The following SDK1 variants were observed in gnomAD, a reference collection of about 807,000 sequenced individuals.
The protein encoded by SDK1 is sidekick cell adhesion molecule 1.
SDK1 carries 157 observed loss-of-function variants against 245.5 expected under a neutral mutation model. The ratio of observed to expected loss-of-function variants is 0.64; its 90% confidence interval spans 0.56 to 0.73. SDK1 has a LOEUF of 0.73. SDK1 is among the 30% of genes least tolerant of loss of function. SDK1 has a pLI of 0.00. For missense variants in SDK1, 3,583 were observed against 3,002.3 expected (o/e 1.19, Z -4.52); for synonymous variants, 1,647 against 1,278.5 (o/e 1.29, Z -6.15).
In SDK1 at chr7:4,012,209, C is replaced by G. The variant is rs147964405; in HGVS notation, c.2394C>G (p.Asn798Lys). 1 of 1,546,178 alleles carries G rather than the reference C, an allele frequency of 6.5e-7. No homozygotes were observed. Among genetic ancestry groups the G allele is most frequent in the South Asian group, 1.3e-5 (1 of 79,844 alleles). Residue 798 changes from asparagine to lysine, a missense_variant, in exon 16 of 45, where the codon AAC (asparagine) becomes AAG (lysine). Transcript: ENST00000404826. ...AGCCACCCCCAGAAACAGAGCACAA[C>G]GGGGTGTTGCGTGGATACATCCTCA... ...QWQPPPETEHNGVLRGYILRY... is the reference protein window; with the variant it reads ...QWQPPPETEHKGVLRGYILRY...
chr7:3,440,566 C>G (rs1430355164), intron 1 of SDK1, among the ~76,000 whole-genome samples: 1 of 152,070 alleles, frequency 6.6e-6, no homozygotes, highest in African/African-American at 2.4e-5. Flanking sequence ...TCAAGTAACC[C>G]TTATTTTAAT....
At chr7:3,897,126 C>A (rs1394961552) in intron 5 of SDK1, among the ~76,000 whole-genome samples, 1 of 152,214 alleles carries the variant, frequency 6.6e-6, no homozygotes, top group East Asian at 1.9e-4. Context: ...TCCCACTAGG[C>A]CACTGCCACA....
chr7:3,398,053 TTTTG>T (rs1159830328), intron 1 of SDK1, among the ~76,000 whole-genome samples: 2 of 152,016 alleles, frequency 1.3e-5, no homozygotes, highest in Non-Finnish European at 2.9e-5. Flanking sequence ...CAGTGTGAGG[TTTTG>T]TTTATCTGGC....
chr7:3,952,856 A>G (rs1562564821), intron 7 of SDK1, among the ~76,000 whole-genome samples: 1 of 152,192 alleles, frequency 6.6e-6, no homozygotes, highest in Non-Finnish European at 1.5e-5. Context: ...CTAAGAAAAT[A>G]CAAAACCTAT....
intron 5 of SDK1, among the ~76,000 whole-genome samples, chr7:3,931,157 C>T (rs1779963985): frequency 6.6e-6 from 1 of 152,198 alleles, no homozygotes; most frequent in Admixed American, 6.5e-5. Context: ...ACCAGAGGGG[C>T]ACCCCATGGA....
chr7:4,145,409 C>G (rs950387768), intron 28 of SDK1, among the ~76,000 whole-genome samples: 1 of 152,154 alleles, frequency 6.6e-6, no homozygotes. Flanking sequence ...CCACAGCCCT[C>G]TGGGGAGCAG....
At chr7:3,575,957 A>G (rs1303178955) in intron 1 of SDK1, among the ~76,000 whole-genome samples, 2 of 152,064 alleles carry the variant, frequency 1.3e-5, no homozygotes, top group African/African-American at 2.4e-5. Flanking sequence ...CATGTGAGCC[A>G]GGTCACCAGT....
chr7:3,926,529 C>A (rs538968926), intron 5 of SDK1, among the ~76,000 whole-genome samples: 8 of 151,030 alleles, frequency 5.3e-5, no homozygotes, highest in African/African-American at 1.5e-4. Context: ...GGTGTGATCT[C>A]GGCCCACTGC....
chr7:4,120,463 T>A (rs1229751510), intron 25 of SDK1, among the ~76,000 whole-genome samples: 1 of 148,696 alleles, frequency 6.7e-6, no homozygotes, highest in Admixed American at 6.7e-5. Context: ...GATAATAATC[T>A]CGAAGGAGCT....
intron 1 of SDK1, among the ~76,000 whole-genome samples, chr7:3,533,640 G>A (rs1038275521): frequency 6.6e-6 from 1 of 151,726 alleles, no homozygotes; most frequent in African/African-American, 2.4e-5. Flanking sequence ...AAGTTTTTTT[G>A]GTATTATTTC....
At chr7:3,416,586 A>G (rs1546743) in intron 1 of SDK1, among the ~76,000 whole-genome samples, 65,618 of 151,038 alleles carry the variant, frequency 0.43, 15,934 homozygotes, top group Admixed American at 0.56. Context: ...TTCCCCTGGC[A>G]GGCCTAATCT....
intron 30 of SDK1, among the ~76,000 whole-genome samples, chr7:4,157,620 C>T (rs1324424378): frequency 3.3e-5 from 5 of 152,084 alleles, no homozygotes; most frequent in African/African-American, 4.8e-5. Context: ...TTAAAATCTC[C>T]GTCGACGGGC....
At chr7:3,903,173 A>T in intron 5 of SDK1, among the ~76,000 whole-genome samples, 1 of 148,296 alleles carries the variant, frequency 6.7e-6, no homozygotes, top group African/African-American at 2.5e-5. Context: ...GAGACAGACG[A>T]GACTCCGTCG....
At chr7:3,792,111 G>A (rs1781113235) in intron 4 of SDK1, among the ~76,000 whole-genome samples, 1 of 152,070 alleles carries the variant, frequency 6.6e-6, no homozygotes, top group African/African-American at 2.4e-5. Flanking sequence ...CTGGGCAACA[G>A]GACGAGACCC....
chr7:3,592,265 G>T (rs1447620588), intron 1 of SDK1, among the ~76,000 whole-genome samples: 1 of 152,094 alleles, frequency 6.6e-6, no homozygotes, highest in East Asian at 1.9e-4. Context: ...GCTATCTATC[G>T]TAAAAGATTA....
intron 1 of SDK1, among the ~76,000 whole-genome samples, chr7:3,364,174 T>C (rs891922121): frequency 6.6e-6 from 1 of 152,250 alleles, no homozygotes; most frequent in African/African-American, 2.4e-5. Context: ...TCTTTATATA[T>C]TTTAGATACT....
rs992633908 is a variant in SDK1 at position 4,129,742 on chromosome 7, A to G, written c.3940-166A>G. 39 of 1,432,780 alleles carry G rather than the reference A, an allele frequency of 2.7e-5. No individual in the cohort carries two copies. The East Asian group carries it at 9.0e-4, about 33-fold the overall frequency. The allele number at this position is 1,432,780 out of a possible 1,614,324, so 88.8% of individuals were successfully genotyped here. A position where few individuals can be genotyped will look rare whatever the true frequency, so the allele number is the denominator to read the frequency against. On this transcript the variant is annotated intron_variant, in intron 26 of 44. Transcript: ENST00000404826. Reference sequence around the variant, plus strand: ...CACTTTACAACCACCTTCCTCCCCAAATGCCAGCATGGACAAATTAGATCC... The same window carrying G: ...CACTTTACAACCACCTTCCTCCCCAGATGCCAGCATGGACAAATTAGATCC...
At chr7:4,179,413 G>T (rs941534420) in intron 35 of SDK1, among the ~76,000 whole-genome samples, 7 of 151,964 alleles carry the variant, frequency 4.6e-5, no homozygotes, top group Non-Finnish European at 1.0e-4. Flanking sequence ...GGCAGGGGCG[G>T]CTCGGACTGC....
At chr7:3,353,150 C>G (rs1192711315) in intron 1 of SDK1, among the ~76,000 whole-genome samples, 1 of 151,776 alleles carries the variant, frequency 6.6e-6, no homozygotes, top group African/African-American at 2.4e-5. Context: ...GTTCCCTTTT[C>G]TGAGTAGAGG....
Sources: allele counts gnomAD v4.1 joint callset (sites outside exome capture counted in the v4.1 genomes callset), GRCh38; gene constraint gnomAD v4.1.1; transcripts MANE v1.5; gene names NCBI Gene and HGNC (gene_info 2026-07-23, HGNC 2026-07-21).